Variants in CTNNA2 observed in about 807,000 individuals in gnomAD.
CTNNA2 encodes catenin alpha 2.
CTNNA2 carries 42 observed loss-of-function variants against 101.0 expected under a neutral mutation model. The observed-to-expected ratio is 0.42, with a 90% confidence interval of 0.32 to 0.54. The LOEUF (loss-of-function observed/expected upper bound fraction) is 0.54. Among genes scored for constraint, CTNNA2 ranks in the 20% least tolerant of loss-of-function variants. The pLI is 0.14. For synonymous variants in CTNNA2, 450 were observed against 456.4 expected, an observed-to-expected ratio of 0.99 and a Z score of 0.18; for missense variants, 871 against 1,223.1, an observed-to-expected ratio of 0.71 and a Z score of 4.29.
At chr2:79,356,798 G>A (rs76959339) in intron 3 of CTNNA2, among the ~76,000 whole-genome samples, 1 of 151,862 alleles carries the variant, frequency 6.6e-6, no homozygotes, top group Non-Finnish European at 1.5e-5. Context: ...AGGATCAGCA[G>A]ATAATAAAAA....
rs958269947 is a variant in CTNNA2, at chr2:80,564,174, A to G, written c.1741+8281A>G. On this transcript the variant is annotated intron_variant, in intron 12 of 18. Transcript: ENST00000402739. The stretch of plus-strand genomic sequence containing the variant: ...TATGTGCAATAAATTTTTAGCAAGC[A>G]CTTTATTACATCTTAATGCAATCTA... Among the ~76,000 whole-genome samples, 8 of 152,272 alleles carry G rather than the reference A, an allele frequency of 5.3e-5. No individual in the cohort carries two copies. The South Asian group carries it at 8.3e-4, about 16-fold the overall frequency.
chr2:80,521,441 A>G (rs921239877), intron 9 of CTNNA2, among the ~76,000 whole-genome samples: 35 of 152,298 alleles, frequency 2.3e-4, no homozygotes, highest in African/African-American at 8.2e-4. Flanking sequence ...ATGTTACTTC[A>G]TGTGGCAAAG....
intron 18 of CTNNA2, among the ~76,000 whole-genome samples, chr2:80,625,839 G>A (rs1671628807): frequency 6.6e-6 from 1 of 152,030 alleles, no homozygotes; most frequent in Admixed American, 6.6e-5. Flanking sequence ...GTTTAACTAG[G>A]ATTTGGGGCC....
chr2:80,230,791 T>C (rs1332833381), intron 7 of CTNNA2, among the ~76,000 whole-genome samples: 3 of 152,100 alleles, frequency 2.0e-5, no homozygotes, highest in African/African-American at 7.2e-5. Context: ...AGCTACTAGG[T>C]AGAGTTCATT....
chr2:80,438,090 C>T (rs552613559), intron 9 of CTNNA2, among the ~76,000 whole-genome samples: 1 of 152,158 alleles, frequency 6.6e-6, no homozygotes, highest in Non-Finnish European at 1.5e-5. Context: ...GCTCTGGAAA[C>T]AAGGGATCCA....
rs138492724 is a variant in CTNNA2 at position 80,316,896 on chromosome 2, T to G, written c.1057-76315T>G. Among the ~76,000 whole-genome samples, 235 of 152,202 alleles carry G rather than the reference T, an allele frequency of 1.5e-3. 1 individual carries two copies. The highest frequency in any genetic ancestry group is 2.0e-3 in the Non-Finnish European group (139 of 68,026). ...AAGCAAATAGATTAATAAGATAATTTTAGGTACTGATAAAGGGAAAATTAA... is the reference window on the plus strand; with the variant it reads ...AAGCAAATAGATTAATAAGATAATTGTAGGTACTGATAAAGGGAAAATTAA... On this transcript the variant is annotated intron_variant, in intron 7 of 18. Coordinates refer to ENST00000402739, the MANE Select transcript of CTNNA2 (RefSeq NM_001282597.3).
rs1448096000 is a variant in CTNNA2 at position 80,596,835 on chromosome 2, G to A, written c.2190-7239G>A. 8.5e-5 allele frequency among the ~76,000 whole-genome samples: 13 copies of A among 152,230 alleles called. No homozygotes were observed. In the East Asian group the frequency reaches 2.5e-3, roughly 30 times the overall value. On this transcript the variant is annotated intron_variant, in intron 15 of 18. Transcript: ENST00000402739. ...GCTTTTGCCCATTCAGTTTGATATT[G>A]GGTATGGGTTTGTCATAAATAGCTC...
At position 80,216,516 on chromosome 2, in the gene CTNNA2, G is replaced by A. The variant is rs114108718; in HGVS notation, c.1057-176695G>A. On this transcript the variant is annotated intron_variant, in intron 7 of 18. Coordinates refer to ENST00000402739, the MANE Select transcript of CTNNA2 (RefSeq NM_001282597.3). ...TGACGCCTTTGGGAGTTACTAGGTC[G>A]TGAGGGTTGATCCCTCATGAATGAG... 4.5e-3 allele frequency among the ~76,000 whole-genome samples: 682 copies of A among 152,312 alleles called. 6 individuals carry two copies. The highest frequency in any genetic ancestry group is 0.015 in the African/African-American group (640 of 41,574).
intron 2 of CTNNA2, among the ~76,000 whole-genome samples, chr2:79,271,417 T>G (rs1267910523): frequency 6.6e-6 from 1 of 152,070 alleles, no homozygotes; most frequent in Non-Finnish European, 1.5e-5. Context: ...TTGGAAAGAC[T>G]GATAGCGAGA....
At chr2:79,648,083 G>A (rs949164344) in intron 1 of CTNNA2, among the ~76,000 whole-genome samples, 1 of 152,140 alleles carries the variant, frequency 6.6e-6, no homozygotes, top group Non-Finnish European at 1.5e-5. Flanking sequence ...GGATGGGAAG[G>A]AAATGACTAT....
At chr2:80,281,129 G>C (rs1260959201) in intron 7 of CTNNA2, among the ~76,000 whole-genome samples, 1 of 152,108 alleles carries the variant, frequency 6.6e-6, no homozygotes, top group Non-Finnish European at 1.5e-5. Flanking sequence ...GAAGGGATTT[G>C]AGATCCCCAG....
chr2:80,569,899 C>A (rs911232548), intron 12 of CTNNA2, among the ~76,000 whole-genome samples: 1 of 151,984 alleles, frequency 6.6e-6, no homozygotes, highest in African/African-American at 2.4e-5. Context: ...TCCTCGGCCT[C>A]CCAAAGTGCT....
intron 7 of CTNNA2, among the ~76,000 whole-genome samples, chr2:79,982,721 T>C (rs1425311914): frequency 6.6e-6 from 1 of 152,130 alleles, no homozygotes; most frequent in African/African-American, 2.4e-5. Flanking sequence ...TGCTTGCGTT[T>C]TTTTCTCTGG....
intron 4 of CTNNA2, among the ~76,000 whole-genome samples, chr2:79,405,486 C>A (rs1394570279): frequency 6.6e-6 from 1 of 151,810 alleles, no homozygotes; most frequent in Non-Finnish European, 1.5e-5. Context: ...CCACCACACC[C>A]AGCTAATTTT....
Position 80,410,273 on chromosome 2 carries a change from A to T in CTNNA2, c.1138-9176A>T, listed in dbSNP as rs141799234. On this transcript the variant is annotated intron_variant, in intron 8 of 18. Coordinates refer to ENST00000402739, the MANE Select transcript of CTNNA2 (RefSeq NM_001282597.3). ...TGAGTTAGTGAGTTAAACTGTGTCT[A>T]TTCTTTCACGACTGTGTGCTCCCAC... 7.3e-3 allele frequency among the ~76,000 whole-genome samples: 1,107 copies of T among 152,320 alleles called. 12 individuals are homozygous for T. The highest frequency in any genetic ancestry group is 0.053 in the South Asian group (258 of 4,826).
Position 79,744,566 on chromosome 2 carries a change from G to A in CTNNA2, c.282G>A (p.Glu94=), listed in dbSNP as rs1671505793. 1 of 1,613,630 alleles carries A rather than the reference G, an allele frequency of 6.2e-7. No individual in the cohort carries two copies. Among genetic ancestry groups the A allele is most frequent in the Non-Finnish European group, 8.5e-7 (1 of 1,179,796 alleles). Residue 94 remains glutamate, a synonymous_variant, in exon 3 of 19, where the codon GAG becomes GAA. Coordinates refer to ENST00000402739, the MANE Select transcript of CTNNA2 (RefSeq NM_001282597.3). ...DLKEELVAAV[E]DVRKQGETMR... is the part of the protein sequence containing the mutation. ...AAGAAGAGTTGGTGGCTGCTGTAGA[G>A]GATGTGCGCAAACAAGGTAGGCAGA...
At chr2:79,407,688 A>C (rs1558659700) in intron 4 of CTNNA2, among the ~76,000 whole-genome samples, 2 of 151,990 alleles carry the variant, frequency 1.3e-5, no homozygotes, top group African/African-American at 4.8e-5. Flanking sequence ...ATCTAAGGAT[A>C]CACCAGATAG....
upstream of CTNNA2, among the ~76,000 whole-genome samples, chr2:79,512,836 C>G (rs1671593290): frequency 6.6e-6 from 1 of 151,462 alleles, no homozygotes; most frequent in Non-Finnish European, 1.5e-5. Flanking sequence ...CCCAGCCACC[C>G]CTCGATGCCC....
rs1678046077 is a variant in CTNNA2 at position 79,382,083 on chromosome 2, A to G, written c.-135+8070A>G. On this transcript the variant is annotated intron_variant, in intron 4 of 21. Transcript: ENST00000466387. ...ATTACCCTCACTAGTGGGGGTAGGC[A>G]TCATCCAATCTATTGAGGGCCCAAG... Among the ~76,000 whole-genome samples the G allele has an allele frequency of 2.0e-5, 3 of 152,232 alleles. No individual in the cohort carries two copies. In the South Asian group the frequency reaches 6.2e-4, roughly 32 times the overall value.
Sources: gnomAD v4.1 joint callset for allele counts (sites outside exome capture counted in the v4.1 genomes callset) on GRCh38, gnomAD v4.1.1 for gene constraint, MANE v1.5 for transcripts, NCBI Gene and HGNC (gene_info 2026-07-23, HGNC 2026-07-21) for gene names.